Variants in MYPN observed in about 807,000 individuals in gnomAD.
MYPN encodes the protein myopalladin.
A neutral mutation model predicts 129.4 loss-of-function variants in MYPN; 63 were observed. The ratio of observed to expected loss-of-function variants is 0.49; its 90% CI spans 0.40 to 0.60. The LOEUF is 0.60. Among genes scored for constraint, MYPN ranks in the 20% least tolerant of loss-of-function variants. MYPN has a pLI of 0.00. For missense variants in MYPN, 1,596 were observed against 1,635.4 expected (o/e 0.98, Z 0.42); for synonymous variants, 629 against 600.9 (o/e 1.05, Z -0.68).
chr10:68,163,991 A>T (rs2043017482), intron 8 of MYPN, among the ~76,000 whole-genome samples: 2 of 152,192 alleles, frequency 1.3e-5, no homozygotes, highest in Admixed American at 6.5e-5. Flanking sequence ...TCTGAGGCTG[A>T]GAGGAACCAG....
At chr10:68,158,420 A>G (rs1420452469) in intron 6 of MYPN, 66 bp from the exon 7 acceptor site, 3 of 1,505,470 alleles carry the variant, frequency 2.0e-6, no homozygotes, top group African/African-American at 1.4e-5. Flanking sequence ...CTAAAATTCA[A>G]CACCGAAACT....
At chr10:68,180,432 C>T (rs772114826) in intron 12 of MYPN, among the ~76,000 whole-genome samples, 2 of 152,212 alleles carry the variant, frequency 1.3e-5, no homozygotes, top group African/African-American at 2.4e-5. Context: ...GCGATCCACC[C>T]GCCTTAGCCT....
Position 68,122,333 on chromosome 10 carries a change from C to A in MYPN, c.895C>A (p.Gln299Lys), listed in dbSNP as rs1299051222. The A allele has an allele frequency of 6.2e-7, 1 of 1,613,088 alleles. No homozygotes were observed. The highest frequency in any genetic ancestry group is 8.5e-7 in the Non-Finnish European group (1 of 1,179,966). ...CATAGTGGTAGGAATTCCACCACCTCAAGTAAGGTAAAAATGTCCCATTGG... is the reference window on the plus strand; with the variant it reads ...CATAGTGGTAGGAATTCCACCACCTAAAGTAAGGTAAAAATGTCCCATTGG... ...DCIVVGIPPP[Q>K]VRWYCEGKEL... The change falls in exon 2 of 20, where the codon CAA (glutamine) becomes AAA (lysine). Residue 299 changes from glutamine (Q) to lysine (K), a missense_variant. Coordinates refer to ENST00000358913, the MANE Select transcript of MYPN (RefSeq NM_032578.4).
chr10:68,124,370 A>G (rs901901044), intron 2 of MYPN, among the ~76,000 whole-genome samples: 1 of 152,192 alleles, frequency 6.6e-6, no homozygotes, highest in African/African-American at 2.4e-5. Flanking sequence ...ATATGATTTC[A>G]TTACTATTTA....
intron 1 of MYPN, among the ~76,000 whole-genome samples, chr10:68,113,491 T>C (rs1216658273): frequency 6.6e-6 from 1 of 151,740 alleles, no homozygotes; most frequent in Non-Finnish European, 1.5e-5. Context: ...AGCCCAGGAG[T>C]TGGAGACCAG....
At chr10:68,203,124 C>A (rs35898435) in intron 18 of MYPN, among the ~76,000 whole-genome samples, 3,629 of 152,234 alleles carry the variant, frequency 0.024, 85 homozygotes, top group Non-Finnish European at 0.038. Context: ...CTCTGAGGAC[C>A]AGCTCGGTTT....
At chr10:68,174,681 T>C (rs776175359) in intron 11 of MYPN, 25 bp downstream of exon 11, 3 of 1,605,298 alleles carry the variant, frequency 1.9e-6, no homozygotes, top group Non-Finnish European at 2.6e-6. Flanking sequence ...GGTTTCTTGA[T>C]GTAAGATGCT....
chr10:68,107,611 A>G (rs2042028787), upstream of MYPN, among the ~76,000 whole-genome samples: 1 of 151,202 alleles, frequency 6.6e-6, no homozygotes, highest in African/African-American at 2.4e-5. Context: ...TCAACCTCCC[A>G]AAGTGCTAGG....
At position 68,208,200 on chromosome 10, in the gene MYPN, A is replaced by G. The variant is rs185929917; in HGVS notation, c.3793+1297A>G. 3.5e-3 allele frequency among the ~76,000 whole-genome samples: 531 copies of G among 152,288 alleles called. 2 individuals carry two copies. Among genetic ancestry groups the G allele is most frequent in the African/African-American group, 0.012 (498 of 41,562 alleles). ...AAAACATAATTGATTAGAAAATCTC[A>G]CATTCAAAACTGGCTTAACCTAATT... On this transcript the variant is annotated intron_variant, in intron 19 of 19. Transcript: ENST00000358913.
intron 6 of MYPN, among the ~76,000 whole-genome samples, chr10:68,151,503 G>C (rs1051815163): frequency 5.9e-5 from 9 of 151,998 alleles, no homozygotes; most frequent in Admixed American, 2.0e-4. Flanking sequence ...ACCTTTATGC[G>C]GGGGGGTGTA....
chr10:68,201,814 C>G lies in MYPN; in HGVS notation c.3494-15C>G. On this transcript the variant is annotated splice_polypyrimidine_tract_variant and intron_variant, in intron 17 of 19. Coordinates refer to ENST00000358913, the MANE Select transcript of MYPN (RefSeq NM_032578.4). ...AAAAAAGAAAGAAAAAAAGAATGACCCTTCTCTTGCTCAGCCAAAGAGGTG... is the reference window on the plus strand; with the variant it reads ...AAAAAAGAAAGAAAAAAAGAATGACGCTTCTCTTGCTCAGCCAAAGAGGTG... 1 of 1,613,638 alleles carries G rather than the reference C, an allele frequency of 6.2e-7. No individual in the cohort carries two copies. The highest frequency in any genetic ancestry group is 8.5e-7 in the Non-Finnish European group (1 of 1,179,856).
chr10:68,171,017 T>C (rs1016356847), intron 10 of MYPN, among the ~76,000 whole-genome samples: 3 of 151,468 alleles, frequency 2.0e-5, no homozygotes, highest in African/African-American at 7.3e-5. Context: ...GGCATGGTGG[T>C]GCATGCCTGT....
At chr10:68,194,854 T>C (rs1478669784) in intron 14 of MYPN, among the ~76,000 whole-genome samples, 1 of 152,228 alleles carries the variant, frequency 6.6e-6, no homozygotes, top group Non-Finnish European at 1.5e-5. Context: ...AAGAACGATC[T>C]GTCATTTTTG....
Position 68,140,862 on chromosome 10 carries a change from C to T in MYPN, c.903-2078C>T, listed in dbSNP as rs549240500. Among the ~76,000 whole-genome samples the T allele has an allele frequency of 7.2e-5, 11 of 152,068 alleles. No individual in the cohort carries two copies. The South Asian group carries it at 2.3e-3, about 32-fold the overall frequency. ...CCAAGGCGGATGAATCGCTTGAGCC[C>T]AGGAGTTCAAGACCAACCTGGGAAA... On this transcript the variant is annotated intron_variant, in intron 2 of 19. Coordinates refer to ENST00000358913, the MANE Select transcript of MYPN (RefSeq NM_032578.4).
chr10:68,100,794 A>G (rs2041978032), intron 1 of MYPN, among the ~76,000 whole-genome samples: 1 of 152,144 alleles, frequency 6.6e-6, no homozygotes, highest in Non-Finnish European at 1.5e-5. Context: ...GCATCCATTG[A>G]GCCAAATGCA....
At chr10:68,157,735 A>T (rs1564668867) in intron 6 of MYPN, among the ~76,000 whole-genome samples, 1 of 151,272 alleles carries the variant, frequency 6.6e-6, no homozygotes, top group Non-Finnish European at 1.5e-5. Flanking sequence ...CCAGCTATTC[A>T]GGAAGCTGAG....
rs184674890 is a variant in MYPN at position 68,199,251 on chromosome 10, A to C, written c.3286-117A>C. 9.1e-6 allele frequency: 9 copies of C among 990,856 alleles called. No homozygotes were observed. The African/African-American group carries it at 1.1e-4, about 12-fold the overall frequency. The allele number at this position is 990,856 out of a possible 1,614,324, so 61.4% of individuals were successfully genotyped here. A position where few individuals can be genotyped will look rare whatever the true frequency, so the allele number is the denominator to read the frequency against. ...CGATGCCCCTACAGAGAGGTTTCTC[A>C]TCACTCCATGTTTTCTCTCACTGTC... On this transcript the variant is annotated intron_variant, in intron 16 of 19. Coordinates refer to ENST00000358913, the MANE Select transcript of MYPN (RefSeq NM_032578.4).
chr10:68,165,882 G>T, intron 9 of MYPN, 64 bp downstream of exon 9: 2 of 1,309,954 alleles, frequency 1.5e-6, no homozygotes, highest in South Asian at 2.4e-5. Flanking sequence ...TGCAGATTTT[G>T]TGTTTCCATT....
chr10:68,104,794 A>AT (rs1042450680), upstream of MYPN, among the ~76,000 whole-genome samples: 1 of 151,658 alleles, frequency 6.6e-6, no homozygotes, highest in African/African-American at 2.4e-5. Context: ...TTCTTTATTT[A>AT]TTTTTTTGAG....
Sources: allele counts gnomAD v4.1 joint callset (sites outside exome capture counted in the v4.1 genomes callset), GRCh38; gene constraint gnomAD v4.1.1; transcripts MANE v1.5; gene names NCBI Gene and HGNC (gene_info 2026-07-23, HGNC 2026-07-21).